C9: variants seen among roughly 807,000 people sequenced by gnomAD.
C9 encodes the protein complement C9.
In C9, 63 loss-of-function variants were observed where a neutral mutation model predicts 65.4. That is an observed-to-expected ratio of 0.96 (90% CI 0.79 to 1.19). The LOEUF is 1.19. Among genes scored for constraint, C9 ranks in the 50% most tolerant of loss-of-function variants. The pLI is 0.00. For missense variants in C9, 744 were observed against 670.1 expected, an observed-to-expected ratio of 1.11 and a Z score of -1.22; for synonymous variants, 229 against 227.9, an observed-to-expected ratio of 1.00 and a Z score of -0.04.
chr5:39,361,576 G>C (rs769555504), intron 1 of C9, among the ~76,000 whole-genome samples: 7 of 152,298 alleles, frequency 4.6e-5, no homozygotes, highest in Admixed American at 3.9e-4. Flanking sequence ...CCATTTAGCA[G>C]GTGAGGTACA....
intron 7 of C9, among the ~76,000 whole-genome samples, chr5:39,309,460 G>C (rs1753441369): frequency 6.6e-6 from 1 of 152,152 alleles, no homozygotes; most frequent in South Asian, 2.1e-4. Context: ...CCCACAATTA[G>C]TGAGAACTTA....
chr5:39,353,858 T>G (rs1382695296), intron 1 of C9, among the ~76,000 whole-genome samples: 1 of 151,288 alleles, frequency 6.6e-6, no homozygotes, highest in African/African-American at 2.4e-5. Flanking sequence ...TCAGGAAGGG[T>G]TTTTTTTTAA....
At chr5:39,293,328 C>T (rs1357432554) in intron 9 of C9, among the ~76,000 whole-genome samples, 1 of 151,866 alleles carries the variant, frequency 6.6e-6, no homozygotes, top group Non-Finnish European at 1.5e-5. Flanking sequence ...CTCACTTCAC[C>T]TGTAAAGACA....
chr5:39,310,341 C>T (rs187452), intron 7 of C9, among the ~76,000 whole-genome samples: 62,323 of 151,982 alleles, frequency 0.41, 13,515 homozygotes, highest in East Asian at 0.64. Context: ...AGGAAGCATC[C>T]TGGCATCCAT....
intron 1 of C9, among the ~76,000 whole-genome samples, chr5:39,352,047 G>T (rs1408179751): frequency 1.3e-5 from 2 of 152,150 alleles, no homozygotes; most frequent in Admixed American, 1.3e-4. Flanking sequence ...GGCATGGCTG[G>T]GGAGGCCTCA....
intron 1 of C9, among the ~76,000 whole-genome samples, chr5:39,343,933 C>A (rs922224988): frequency 2.8e-5 from 4 of 140,354 alleles, no homozygotes; most frequent in African/African-American, 1.2e-4. Flanking sequence ...GGACCTCTGG[C>A]AAACTCCAAC....
At chr5:39,297,965 C>A (rs1426264523) in intron 9 of C9, among the ~76,000 whole-genome samples, 1 of 151,540 alleles carries the variant, frequency 6.6e-6, no homozygotes, top group Non-Finnish European at 1.5e-5. Context: ...GAAAATAATA[C>A]AAAGTATGTC....
chr5:39,359,453 T>A (rs757812503), intron 1 of C9, among the ~76,000 whole-genome samples: 2 of 152,006 alleles, frequency 1.3e-5, no homozygotes, highest in Non-Finnish European at 2.9e-5. Context: ...AAGTGGCGTT[T>A]CACCATAGAT....
intron 1 of C9, among the ~76,000 whole-genome samples, chr5:39,362,326 A>C (rs1156999564): frequency 6.6e-6 from 1 of 152,232 alleles, no homozygotes; most frequent in East Asian, 1.9e-4. Context: ...CATTTTTATA[A>C]AGACATACAC....
rs139000312 is a variant in C9 at position 39,316,021 on chromosome 5, G to A, written c.624C>T (p.Gly208=). Residue 208 remains glycine (G), a synonymous_variant, in exon 6 of 11, where the codon GGC becomes GGT. Coordinates refer to ENST00000263408, the MANE Select transcript of C9 (RefSeq NM_001737.5). ...NVASLIYETK[G]EKNFRTEHYE... is the part of the protein sequence containing the mutation. ...AATGTTCGGTTCTGAAATTTTTCTCGCCTTTGGTCTAAAAGAGAATAAAAA... is the reference window on the plus strand; with the variant it reads ...AATGTTCGGTTCTGAAATTTTTCTCACCTTTGGTCTAAAAGAGAATAAAAA... 273 of 1,610,942 alleles carry A rather than the reference G, an allele frequency of 1.7e-4. 2 individuals carry two copies. In the South Asian group the frequency reaches 1.8e-3, roughly 11 times the overall value.
chr5:39,331,687 A>G lies in C9; in HGVS notation c.604T>C (p.Leu202=), dbSNP rs766208298. Residue 202 remains leucine, a synonymous_variant, in exon 5 of 11, where the codon TTG becomes CTG. Transcript: ENST00000263408. Reference sequence around the variant, plus strand: ...CCGAGGAGACTTACTTCATAGATCAAAGAAGCCACGTTCCAAGGTCTTCGG... The same window carrying G: ...CCGAGGAGACTTACTTCATAGATCAGAGAAGCCACGTTCCAAGGTCTTCGG... ...YYRRPWNVAS[L]IYETKGEKNF... 3 of 1,614,032 alleles carry G rather than the reference A, an allele frequency of 1.9e-6. No individual in the cohort carries two copies. The Admixed American group carries it at 5.0e-5, about 27-fold the overall frequency.
At chr5:39,308,829 T>A (rs1753426243) in intron 7 of C9, among the ~76,000 whole-genome samples, 1 of 152,156 alleles carries the variant, frequency 6.6e-6, no homozygotes, top group African/African-American at 2.4e-5. Context: ...AATAACCTAC[T>A]AATGGCTCAT....
intron 1 of C9, among the ~76,000 whole-genome samples, chr5:39,355,801 C>T (rs1288284254): frequency 6.6e-6 from 1 of 152,196 alleles, no homozygotes; most frequent in Non-Finnish European, 1.5e-5. Context: ...TGAGGTCCCA[C>T]TCCTTGGCTT....
At chr5:39,310,961 G>A (rs1344934870) in intron 7 of C9, among the ~76,000 whole-genome samples, 176 bp downstream of exon 7, 1 of 152,166 alleles carries the variant, frequency 6.6e-6, no homozygotes, top group African/African-American at 2.4e-5. Flanking sequence ...TGAGATGGAA[G>A]TCAATTTGCT....
At chr5:39,307,944 A>G (rs1007297305) in intron 8 of C9, among the ~76,000 whole-genome samples, 1 of 152,134 alleles carries the variant, frequency 6.6e-6, no homozygotes, top group African/African-American at 2.4e-5. Flanking sequence ...CTTTTTATGA[A>G]GATACTTTTT....
chr5:39,346,193 A>C (rs1579875392), intron 1 of C9, among the ~76,000 whole-genome samples: 1 of 152,220 alleles, frequency 6.6e-6, no homozygotes. Context: ...AAGGACATAG[A>C]GACACAAAAA....
chr5:39,310,713 A>T (rs2111885715), intron 7 of C9, among the ~76,000 whole-genome samples: 1 of 152,292 alleles, frequency 6.6e-6, no homozygotes, highest in East Asian at 1.9e-4. Flanking sequence ...CTAAAAGAAA[A>T]TTTAGAACAA....
At chr5:39,358,549 A>G (rs1208994803) in intron 1 of C9, among the ~76,000 whole-genome samples, 1 of 152,182 alleles carries the variant, frequency 6.6e-6, no homozygotes, top group Non-Finnish European at 1.5e-5. Context: ...GTGTTTTCCA[A>G]TGATTTCTGT....
intron 6 of C9, among the ~76,000 whole-genome samples, chr5:39,311,777 C>T (rs1753489543): frequency 6.6e-6 from 1 of 152,096 alleles, no homozygotes; most frequent in Non-Finnish European, 1.5e-5. Flanking sequence ...GAAAACATCT[C>T]AAATGTCCAT....
Sources: gnomAD v4.1 joint callset for allele counts (sites outside exome capture counted in the v4.1 genomes callset) on GRCh38, gnomAD v4.1.1 for gene constraint, MANE v1.5 for transcripts, NCBI Gene and HGNC (gene_info 2026-07-23, HGNC 2026-07-21) for gene names.